JCAD: variants seen among roughly 807,000 people sequenced by gnomAD.
The protein encoded by JCAD is junctional cadherin 5-associated protein.
JCAD carries 40 observed loss-of-function variants against 98.0 expected under a neutral mutation model. The ratio of observed to expected loss-of-function variants is 0.41; its 90% CI spans 0.32 to 0.53. The LOEUF (loss-of-function observed/expected upper bound fraction) is 0.53, where lower values mean the gene tolerates loss of function less well. JCAD is among the 20% of genes least tolerant of loss of function. The pLI, the probability that JCAD is intolerant of heterozygous loss-of-function variation, is 0.31. For synonymous variants in JCAD, 691 were observed against 682.3 expected (o/e 1.01, Z -0.20); for missense variants, 1,705 against 1,738.1 (o/e 0.98, Z 0.34).
At chr10:30,098,619 T>C (rs548510923) in intron 1 of JCAD, among the ~76,000 whole-genome samples, 2 of 152,214 alleles carry the variant, frequency 1.3e-5, no homozygotes, top group Non-Finnish European at 2.9e-5. Context: ...AATGAAAGAA[T>C]GAATGAACTC....
intron 1 of JCAD, among the ~76,000 whole-genome samples, chr10:30,104,557 C>T (rs367872131): frequency 6.6e-6 from 1 of 152,128 alleles, no homozygotes; most frequent in African/African-American, 2.4e-5. Context: ...ACAATAGACA[C>T]ACTGGGGACC....
At chr10:30,108,691 C>T (rs1838632023) in intron 1 of JCAD, among the ~76,000 whole-genome samples, 2 of 152,084 alleles carry the variant, frequency 1.3e-5, no homozygotes, top group Admixed American at 1.3e-4. Context: ...TTCACTAAGT[C>T]CGTGGGAGGA....
intron 1 of JCAD, among the ~76,000 whole-genome samples, chr10:30,072,081 A>C (rs1027524137): frequency 6.6e-6 from 1 of 150,612 alleles, no homozygotes; most frequent in Non-Finnish European, 1.5e-5. Context: ...GAAAAGGCAC[A>C]TGCTATTTGC....
intron 2 of JCAD, among the ~76,000 whole-genome samples, chr10:30,046,763 G>A (rs1714829249): frequency 6.6e-6 from 1 of 152,314 alleles, no homozygotes; most frequent in East Asian, 1.9e-4. Context: ...CCTGTGCTAA[G>A]TGCTGCTGGA....
chr10:30,044,271 T>C (rs1234112066), intron 2 of JCAD, among the ~76,000 whole-genome samples: 1 of 152,194 alleles, frequency 6.6e-6, no homozygotes, highest in Non-Finnish European at 1.5e-5. Context: ...ATAATAATAT[T>C]GCCAACATGC....
At chr10:30,057,736 G>GT (rs1375871962) in intron 1 of JCAD, among the ~76,000 whole-genome samples, 2 of 152,202 alleles carry the variant, frequency 1.3e-5, no homozygotes, top group East Asian at 1.9e-4. Context: ...TCCAGGCGGA[G>GT]TAACAGTTTC....
rs761671362 is a variant in JCAD, at chr10:30,029,802, G to A, written c.346C>T (p.Arg116Trp). Reference protein sequence around the residue: ...HPPTGNDQAYRRRGRQEARSQ... With the variant: ...HPPTGNDQAYWRRGRQEARSQ... ...CTGGCTTCTTGCCGTCCTCTTCTCC[G>A]GTAGGCTTGGTCGTTACCAGTCGGG... The change falls in exon 3 of 4, where the codon CGG becomes TGG. Residue 116 changes from arginine (R) to tryptophan (W), a missense_variant. Arg to Trp is a moderately radical substitution (Grantham distance 101). This residue lies in a region of JCAD where 275 missense variants were observed against 346.9 expected (regional missense o/e 0.79). Transcript: ENST00000375377. 23 of 1,614,052 alleles carry A rather than the reference G, an allele frequency of 1.4e-5. No homozygotes were observed. Among genetic ancestry groups the A allele is most frequent in the Middle Eastern group, 1.6e-4 (1 of 6,084 alleles).
intron 1 of JCAD, among the ~76,000 whole-genome samples, chr10:30,058,095 G>T (rs368670994): frequency 2.0e-5 from 3 of 152,178 alleles, no homozygotes; most frequent in African/African-American, 7.2e-5. Flanking sequence ...ATTTCTGGCT[G>T]CCCGAATCCT....
chr10:30,047,408 T>G, intron 2 of JCAD, 124 bp downstream of exon 2: 2 of 1,162,346 alleles, frequency 1.7e-6, no homozygotes, highest in African/African-American at 1.6e-5. Flanking sequence ...AGTGTTCTTG[T>G]GTCTAATACC....
chr10:30,070,944 C>T (rs1057052257), intron 1 of JCAD, among the ~76,000 whole-genome samples: 25 of 152,318 alleles, frequency 1.6e-4, no homozygotes, highest in South Asian at 4.1e-4. Flanking sequence ...CTCGCTTTAT[C>T]GCTCAGGTTG....
At chr10:30,080,371 A>G (rs1322073402) in intron 1 of JCAD, among the ~76,000 whole-genome samples, 5 of 152,018 alleles carry the variant, frequency 3.3e-5, no homozygotes, top group Non-Finnish European at 7.4e-5. Context: ...TCTTTCCCCA[A>G]TAGTGAGTCA....
chr10:30,058,893 C>G (rs1344582468), intron 1 of JCAD, among the ~76,000 whole-genome samples: 2 of 152,194 alleles, frequency 1.3e-5, no homozygotes, highest in Non-Finnish European at 2.9e-5. Context: ...TAATCCCCAG[C>G]GCAGACCGCG....
At chr10:30,053,878 C>T (rs1041085521) in intron 1 of JCAD, among the ~76,000 whole-genome samples, 4 of 152,002 alleles carry the variant, frequency 2.6e-5, no homozygotes, top group Non-Finnish European at 4.4e-5. Flanking sequence ...GTCTGACCAA[C>T]GCAGTTAAAC....
At chr10:30,113,553 A>G (rs1392621351) in intron 1 of JCAD, among the ~76,000 whole-genome samples, 5 of 143,336 alleles carry the variant, frequency 3.5e-5, no homozygotes, top group Non-Finnish European at 7.6e-5. Context: ...ACTGTCAAAA[A>G]AAAAAAAAAA....
chr10:30,102,311 G>T (rs896454151), intron 1 of JCAD, among the ~76,000 whole-genome samples: 9 of 152,086 alleles, frequency 5.9e-5, no homozygotes, highest in Non-Finnish European at 1.3e-4. Context: ...TGGGATCACA[G>T]TGGGTGCTTA....
At chr10:30,024,346 T>C (rs982720107) in intron 3 of JCAD, among the ~76,000 whole-genome samples, 1 of 152,190 alleles carries the variant, frequency 6.6e-6, no homozygotes, top group Non-Finnish European at 1.5e-5. Context: ...GAAAACTTGC[T>C]TTAGAAGTCT....
intron 1 of JCAD, among the ~76,000 whole-genome samples, chr10:30,097,124 T>C (rs1838382572): frequency 1.3e-5 from 2 of 152,152 alleles, no homozygotes; most frequent in Admixed American, 1.3e-4. Flanking sequence ...CCTACAGCAA[T>C]AGAAATGCTC....
chr10:30,048,010 C>T, intron 1 of JCAD, 139 bp from the exon 2 acceptor site: 1 of 537,702 alleles, frequency 1.9e-6, no homozygotes, highest in South Asian at 2.9e-5. Context: ...AGAGGGGACA[C>T]AGGGATGGCT....
At chr10:30,090,225 G>A (rs535919835) in intron 1 of JCAD, among the ~76,000 whole-genome samples, 2 of 152,332 alleles carry the variant, frequency 1.3e-5, no homozygotes, top group South Asian at 4.1e-4. Context: ...CTTGCAGATT[G>A]CTTCCAGAAT....
Sources: allele counts gnomAD v4.1 joint callset (sites outside exome capture counted in the v4.1 genomes callset), GRCh38; gene constraint gnomAD v4.1.1; regional missense constraint gnomAD v4.1.1; transcripts MANE v1.5; gene names NCBI Gene and HGNC (gene_info 2026-07-23, HGNC 2026-07-21).